Variants in CHSY3 observed in about 807,000 individuals in gnomAD.
CHSY3 encodes the protein N-acetylgalactosaminyl-proteoglycan 3-beta-glucuronosyltransferase 3.
In CHSY3, 35 loss-of-function variants were observed where a neutral mutation model predicts 67.2. The ratio of observed to expected loss-of-function variants is 0.52; its 90% confidence interval spans 0.40 to 0.69. CHSY3 has a LOEUF of 0.69. Ranked by LOEUF, CHSY3 falls within the 30% of genes least tolerant of loss-of-function variation. The pLI is 0.00. For synonymous variants in CHSY3, 474 were observed against 434.7 expected, an observed-to-expected ratio of 1.09 and a Z score of -1.12; for missense variants, 1,069 against 1,138.5, an observed-to-expected ratio of 0.94 and a Z score of 0.88.
chr5:130,118,853 T>C (rs769642344), intron 2 of CHSY3, among the ~76,000 whole-genome samples: 38 of 152,116 alleles, frequency 2.5e-4, no homozygotes, highest in African/African-American at 1.4e-4. Context: ...GCTACAGTAA[T>C]GATAATTCTG....
At chr5:130,034,429 G>A (rs901399420) in intron 2 of CHSY3, among the ~76,000 whole-genome samples, 2 of 151,990 alleles carry the variant, frequency 1.3e-5, no homozygotes, top group Admixed American at 6.6e-5. Context: ...AAATCTTAGC[G>A]CTGCCAATTT....
At chr5:130,109,812 T>C (rs1353616094) in intron 2 of CHSY3, among the ~76,000 whole-genome samples, 1 of 151,816 alleles carries the variant, frequency 6.6e-6, no homozygotes, top group Non-Finnish European at 1.5e-5. Flanking sequence ...CTGGATATTG[T>C]CCTATGTAGG....
intron 2 of CHSY3, among the ~76,000 whole-genome samples, chr5:130,166,752 G>A (rs1769759487): frequency 6.6e-6 from 1 of 151,984 alleles, no homozygotes. Flanking sequence ...TTAGCTCTAG[G>A]GATCTTCATA....
chr5:129,942,378 T>C (rs1761725441), intron 2 of CHSY3, among the ~76,000 whole-genome samples: 1 of 152,222 alleles, frequency 6.6e-6, no homozygotes, highest in Non-Finnish European at 1.5e-5. Flanking sequence ...ATCCCTAAAA[T>C]TTCTATTATA....
rs139913330 is a variant in CHSY3, at chr5:130,047,555, A to G, written c.1087-136674A>G. Among the ~76,000 whole-genome samples the G allele has an allele frequency of 5.8e-3, 877 of 152,236 alleles. 3 individuals carry two copies. Among genetic ancestry groups the G allele is most frequent in the Middle Eastern group, 0.01 (3 of 294 alleles). On this transcript the variant is annotated intron_variant, in intron 2 of 2. Coordinates refer to ENST00000305031, the MANE Select transcript of CHSY3 (RefSeq NM_175856.5). Reference sequence around the variant, plus strand: ...TATTTATCCAGAATTTTCCTGGACCAGATTTCTCCTCTATATAATAGGAAA... The same window carrying G: ...TATTTATCCAGAATTTTCCTGGACCGGATTTCTCCTCTATATAATAGGAAA...
chr5:130,139,229 C>T (rs997012828), intron 2 of CHSY3, among the ~76,000 whole-genome samples: 2 of 152,166 alleles, frequency 1.3e-5, no homozygotes, highest in African/African-American at 4.8e-5. Context: ...TTGACTGAAA[C>T]ATCATCTAAA....
At chr5:130,001,540 C>A in intron 2 of CHSY3, 2 of 917,422 alleles carry the variant, frequency 2.2e-6, no homozygotes, top group Non-Finnish European at 2.6e-6. Flanking sequence ...ATACGCAGGA[C>A]CCCATGGAGA....
At position 130,044,922 on chromosome 5, in the gene CHSY3, T is replaced by C. The variant is rs544461870; in HGVS notation, c.1086+136562T>C. On this transcript the variant is annotated intron_variant, in intron 2 of 2. Transcript: ENST00000305031. ...TCTTCAATGAATGACCCAAGTTTTA[T>C]AAATGACACTAGAGGAAAAAATGGC... is the stretch of plus-strand genomic sequence containing the variant. Among the ~76,000 whole-genome samples the C allele has an allele frequency of 5.3e-5, 8 of 152,278 alleles. No homozygotes were observed. In the South Asian group the frequency reaches 1.7e-3, roughly 32 times the overall value.
At chr5:130,098,363 A>G (rs1322684708) in intron 2 of CHSY3, among the ~76,000 whole-genome samples, 4 of 152,186 alleles carry the variant, frequency 2.6e-5, no homozygotes, top group Non-Finnish European at 5.9e-5. Context: ...GTTTATTGAT[A>G]TCTGCCAAAC....
chr5:129,990,527 A>G (rs1763331580), intron 2 of CHSY3, among the ~76,000 whole-genome samples: 1 of 152,162 alleles, frequency 6.6e-6, no homozygotes, highest in Admixed American at 6.6e-5. Flanking sequence ...ATTTGTGAAG[A>G]TGGATAAGTA....
chr5:130,181,940 G>C (rs1014301178), intron 2 of CHSY3, among the ~76,000 whole-genome samples: 3 of 151,418 alleles, frequency 2.0e-5, no homozygotes, highest in Non-Finnish European at 2.9e-5. Flanking sequence ...TTTCAGTTTT[G>C]GAGTATGAAT....
At chr5:130,045,389 A>G (rs912046976) in intron 2 of CHSY3, among the ~76,000 whole-genome samples, 2 of 152,084 alleles carry the variant, frequency 1.3e-5, no homozygotes, top group African/African-American at 2.4e-5. Context: ...TTTAGTGATC[A>G]TAGACATGGG....
chr5:130,177,325 T>A (rs1289360682), intron 2 of CHSY3, among the ~76,000 whole-genome samples: 2 of 152,034 alleles, frequency 1.3e-5, no homozygotes, highest in East Asian at 3.9e-4. Flanking sequence ...CAATCCCTTC[T>A]TTTTGCCTTC....
chr5:130,094,592 G>C (rs1377139974), intron 2 of CHSY3, among the ~76,000 whole-genome samples: 1 of 152,164 alleles, frequency 6.6e-6, no homozygotes, highest in African/African-American at 2.4e-5. Context: ...ACTGTTCTGA[G>C]TGGAAGTGTG....
intron 2 of CHSY3, among the ~76,000 whole-genome samples, chr5:130,061,944 A>G (rs1765727687): frequency 1.3e-5 from 2 of 152,132 alleles, no homozygotes; most frequent in African/African-American, 4.8e-5. Context: ...ACACTTAGAC[A>G]TTGTTGGTAA....
intron 2 of CHSY3, among the ~76,000 whole-genome samples, chr5:130,076,675 CTCT>C (rs1479786584): frequency 6.6e-6 from 1 of 151,774 alleles, no homozygotes; most frequent in East Asian, 1.9e-4. Flanking sequence ...TTGAAATTTT[CTCT>C]TATTATTAAA....
rs1760427780 is a variant in CHSY3, at chr5:129,908,889, A to G, written c.1086+529A>G. ...AAAGTAAACTAATAGTGTATCATTT[A>G]TGGTAGATGTATTCACAAAATTCCA... On this transcript the variant is annotated intron_variant, in intron 2 of 2. Coordinates refer to ENST00000305031, the MANE Select transcript of CHSY3 (RefSeq NM_175856.5). Among the ~76,000 whole-genome samples the G allele has an allele frequency of 2.6e-5, 4 of 152,256 alleles. No individual in the cohort carries two copies. In the South Asian group the frequency reaches 8.3e-4, roughly 32 times the overall value.
chr5:130,158,958 G>A lies in CHSY3; in HGVS notation c.1087-25271G>A, dbSNP rs576726613. ...TGGAACTGCAGGCATGTGCTACCACGTCCTGCTAATTTTTCTATTTTTTGT... is the reference window on the plus strand; with the variant it reads ...TGGAACTGCAGGCATGTGCTACCACATCCTGCTAATTTTTCTATTTTTTGT... On this transcript the variant is annotated intron_variant, in intron 2 of 2. Transcript: ENST00000305031. Among the ~76,000 whole-genome samples, 21 of 151,644 alleles carry A rather than the reference G, an allele frequency of 1.4e-4. No individual in the cohort carries two copies. The East Asian group carries it at 2.7e-3, about 20-fold the overall frequency.
intron 2 of CHSY3, among the ~76,000 whole-genome samples, chr5:130,114,096 T>C (rs1304426749): frequency 6.6e-6 from 1 of 152,182 alleles, no homozygotes; most frequent in African/African-American, 2.4e-5. Flanking sequence ...TATTACATTA[T>C]TATTACAGGT....
Sources: allele counts gnomAD v4.1 joint callset (sites outside exome capture counted in the v4.1 genomes callset), GRCh38; gene constraint gnomAD v4.1.1; transcripts MANE v1.5; gene names NCBI Gene and HGNC (gene_info 2026-07-23, HGNC 2026-07-21).